Variants in RICTOR observed in about 807,000 individuals in gnomAD.
RICTOR encodes RPTOR independent companion of MTOR complex 2.
RICTOR carries 49 observed loss-of-function variants against 214.9 expected under a neutral mutation model. That is an observed-to-expected ratio of 0.23 (90% CI 0.18 to 0.29). The LOEUF is 0.29. Among genes scored for constraint, RICTOR ranks in the 10% least tolerant of loss-of-function variants. RICTOR has a pLI of 1.00. For missense variants in RICTOR, 1,625 were observed against 2,047.0 expected (o/e 0.79, Z 3.98); for synonymous variants, 717 against 711.3 (o/e 1.01, Z -0.13).
At chr5:38,957,874 A>G (rs1188053333) in intron 24 of RICTOR, 144 bp from the exon 25 acceptor site, 2 of 515,168 alleles carry the variant, frequency 3.9e-6, no homozygotes, top group Non-Finnish European at 6.8e-6. Flanking sequence ...GGTCAACTAT[A>G]ATTTATTATA....
chr5:39,006,401 T>C (rs944696549), intron 3 of RICTOR, among the ~76,000 whole-genome samples: 1 of 152,164 alleles, frequency 6.6e-6, no homozygotes, highest in African/African-American at 2.4e-5. Context: ...ATAATGTCCT[T>C]AATTGATTTA....
At chr5:38,946,939 G>T (rs1748272678) in intron 32 of RICTOR, among the ~76,000 whole-genome samples, 1 of 151,794 alleles carries the variant, frequency 6.6e-6, no homozygotes, top group Non-Finnish European at 1.5e-5. Context: ...TAAAAATGAG[G>T]TATAAGTTAA....
intron 34 of RICTOR, 165 bp downstream of exon 34, chr5:38,945,326 G>GT: frequency 1.6e-6 from 1 of 622,736 alleles, no homozygotes; most frequent in Non-Finnish European, 2.8e-6. Flanking sequence ...ACCTGGAACC[G>GT]TGAGAGGATC....
At chr5:39,039,103 T>TGGTACC (rs1350002202) in intron 2 of RICTOR, among the ~76,000 whole-genome samples, 1 of 152,178 alleles carries the variant, frequency 6.6e-6, no homozygotes, top group African/African-American at 2.4e-5. Context: ...AGCATGGTAC[T>TGGTACC]GGTACCAAAC....
At chr5:38,981,684 G>C in intron 8 of RICTOR, 183 bp downstream of exon 8, 1 of 453,850 alleles carries the variant, frequency 2.2e-6, no homozygotes, top group Non-Finnish European at 3.9e-6. Context: ...ATTCTTAAGA[G>C]TAATGTTTTC....
At chr5:39,017,305 A>G (rs1755034868) in intron 3 of RICTOR, among the ~76,000 whole-genome samples, 1 of 152,192 alleles carries the variant, frequency 6.6e-6, no homozygotes, top group Admixed American at 6.6e-5. Flanking sequence ...GCTTATTTGA[A>G]TTGAGTGAAG....
chr5:39,064,604 T>C (rs1165404224), intron 2 of RICTOR, among the ~76,000 whole-genome samples: 2 of 152,212 alleles, frequency 1.3e-5, no homozygotes, highest in South Asian at 2.1e-4. Flanking sequence ...CTCACCCCAC[T>C]GTGCTTTTCG....
chr5:39,027,901 A>G (rs1446823301), intron 2 of RICTOR, among the ~76,000 whole-genome samples: 1 of 152,198 alleles, frequency 6.6e-6, no homozygotes, highest in Non-Finnish European at 1.5e-5. Flanking sequence ...TCACAGCACA[A>G]ACATCAGACA....
chr5:39,044,462 C>G (rs1176106500), intron 2 of RICTOR, among the ~76,000 whole-genome samples: 4 of 151,982 alleles, frequency 2.6e-5, no homozygotes, highest in Non-Finnish European at 5.9e-5. Flanking sequence ...GACTTACTAT[C>G]TTATGAGTAG....
intron 2 of RICTOR, among the ~76,000 whole-genome samples, chr5:39,027,008 C>A (rs765352523): frequency 6.6e-6 from 1 of 151,484 alleles, no homozygotes; most frequent in Non-Finnish European, 1.5e-5. Flanking sequence ...AACCCCATCT[C>A]AAAAAAATAA....
chr5:39,043,227 A>C (rs775821787), intron 2 of RICTOR, among the ~76,000 whole-genome samples: 2 of 152,206 alleles, frequency 1.3e-5, no homozygotes, highest in Non-Finnish European at 2.9e-5. Context: ...CAAGATATAG[A>C]AGCAACCTAA....
At chr5:38,951,194 T>C (rs1338715645) in intron 30 of RICTOR, among the ~76,000 whole-genome samples, 1 of 151,944 alleles carries the variant, frequency 6.6e-6, no homozygotes, top group East Asian at 1.9e-4. Flanking sequence ...TATAAATTCA[T>C]GTTTAAATTA....
intron 2 of RICTOR, among the ~76,000 whole-genome samples, chr5:39,024,934 T>C (rs1022819087): frequency 6.6e-6 from 1 of 152,190 alleles, no homozygotes; most frequent in Non-Finnish European, 1.5e-5. Context: ...CTGTTTTAAG[T>C]ACTGGAAATA....
intron 3 of RICTOR, among the ~76,000 whole-genome samples, chr5:39,020,499 CT>C (rs1381203453): frequency 5.9e-5 from 9 of 152,166 alleles, no homozygotes; most frequent in African/African-American, 2.2e-4. Context: ...GCTCAGATGA[CT>C]GTATTTTTTA....
chr5:38,985,554 T>G (rs551380357), intron 7 of RICTOR, among the ~76,000 whole-genome samples: 1 of 152,192 alleles, frequency 6.6e-6, no homozygotes, highest in African/African-American at 2.4e-5. Flanking sequence ...GTAATATCTA[T>G]AGCTGCCAAA....
At chr5:38,964,156 A>G (rs1225536404) in intron 16 of RICTOR, among the ~76,000 whole-genome samples, 1 of 151,852 alleles carries the variant, frequency 6.6e-6, no homozygotes, top group Non-Finnish European at 1.5e-5. Context: ...CCACAAAAAG[A>G]CATTCCTAGC....
chr5:39,051,108 C>T (rs187439985), intron 2 of RICTOR, among the ~76,000 whole-genome samples: 80 of 151,906 alleles, frequency 5.3e-4, no homozygotes, highest in East Asian at 1.9e-3. Context: ...AGTAATTCCA[C>T]GCTAAATTAT....
In RICTOR at chr5:38,949,627, T is replaced by A. The variant is rs549337099; in HGVS notation, c.4136+85A>T. 5.7e-6 allele frequency: 7 copies of A among 1,238,352 alleles called. No homozygotes were observed. The East Asian group carries it at 1.6e-4, about 29-fold the overall frequency. The allele number at this position is 1,238,352 out of a possible 1,614,324, so 76.7% of individuals were successfully genotyped here. On this transcript the variant is annotated intron_variant, in intron 31 of 37. Transcript: ENST00000357387. The stretch of plus-strand genomic sequence containing the variant: ...TAATAGGTCAGTGATGAGGCTCACA[T>A]AGTGTAAAACCTGGCTAACATTTTG...
intron 6 of RICTOR, among the ~76,000 whole-genome samples, chr5:38,993,468 A>G (rs1025453112): frequency 6.6e-6 from 1 of 151,974 alleles, no homozygotes; most frequent in Non-Finnish European, 1.5e-5. Flanking sequence ...GGGGAGAGAG[A>G]AGGGGGAAAT....
Sources: allele counts gnomAD v4.1 joint callset (sites outside exome capture counted in the v4.1 genomes callset), GRCh38; gene constraint gnomAD v4.1.1; transcripts MANE v1.5; gene names NCBI Gene and HGNC (gene_info 2026-07-23, HGNC 2026-07-21).